Variants in ZNF311 observed in about 807,000 individuals in gnomAD.
The protein encoded by ZNF311 is zinc finger protein 311, also known as zinc finger protein zfp31.
ZNF311 carries 14 observed loss-of-function variants against 22.7 expected under a neutral mutation model. The ratio of observed to expected loss-of-function variants is 0.62; its 90% CI spans 0.41 to 0.96. The LOEUF is 0.96. ZNF311 is among the 40% of genes least tolerant of loss of function. ZNF311 has a pLI of 0.00. For synonymous variants in ZNF311, 250 were observed against 275.3 expected (o/e 0.91, Z 0.91); for missense variants, 731 against 799.0 (o/e 0.91, Z 1.03).
At chr6:28,999,818 A>C in intron 4 of ZNF311, 138 bp downstream of exon 4, 1 of 1,241,070 alleles carries the variant, frequency 8.1e-7, no homozygotes, top group Non-Finnish European at 1.1e-6. Context: ...CAAGTGGTTT[A>C]TCATGCAACA....
rs1290104043 is a variant in ZNF311 at position 29,000,063 on chromosome 6, T to C, written c.92-16A>G. On this transcript the variant is annotated splice_polypyrimidine_tract_variant and intron_variant, in intron 3 of 6. Coordinates refer to ENST00000377179, the MANE Select transcript of ZNF311 (RefSeq NM_001382360.1). ...GGTAATAGAGCTGAGGGAAGATAAG[T>C]AAGCCAAGAGTCAATATAGCACAGT... 1 of 1,608,792 alleles carries C rather than the reference T, an allele frequency of 6.2e-7. No homozygotes were observed. The highest frequency in any genetic ancestry group is 8.5e-7 in the Non-Finnish European group (1 of 1,177,272).
rs1358525859 is a variant in ZNF311 at position 28,995,945 on chromosome 6, G to A, written c.1057C>T (p.His353Tyr). The A allele has an allele frequency of 9.3e-6, 15 of 1,613,734 alleles. No individual in the cohort carries two copies. Among genetic ancestry groups the A allele is most frequent in the Non-Finnish European group, 1.3e-5 (15 of 1,180,036 alleles). Residue 353 changes from histidine to tyrosine, a missense_variant, in exon 7 of 7, where the codon CAC becomes TAC. His to Tyr is a moderately conservative substitution (Grantham distance 83, BLOSUM62 2). Transcript: ENST00000377179. The surrounding 1 kb of genome is among the most constrained non-coding windows in gnomAD (Gnocchi z 4.7). ...RNRLCMHQLI[H>Y]TGEKPYKCNC... ...CATTTGTAAGGCTTCTCCCCGGTGTGGATAAGCTGATGCATACAGAGACGG... is the reference window on the plus strand; with the variant it reads ...CATTTGTAAGGCTTCTCCCCGGTGTAGATAAGCTGATGCATACAGAGACGG...
chr6:28,999,469 T>C lies in ZNF311; in HGVS notation c.310+18A>G. On this transcript the variant is annotated intron_variant, in intron 5 of 6. Coordinates refer to ENST00000377179, the MANE Select transcript of ZNF311 (RefSeq NM_001382360.1). The stretch of plus-strand genomic sequence containing the variant: ...AAAAAAGAAGGTAGAAAGCATTAAG[T>C]GTAGGGAAGGTCCTTACCAAGTGAT... 5.0e-6 allele frequency: 8 copies of C among 1,600,124 alleles called. No homozygotes were observed. The highest frequency in any genetic ancestry group is 6.8e-6 in the Non-Finnish European group (8 of 1,175,474).
intron 3 of ZNF311, among the ~76,000 whole-genome samples, chr6:29,001,950 A>C (rs1260972569): frequency 6.6e-6 from 1 of 152,248 alleles, no homozygotes; most frequent in African/African-American, 2.4e-5. Context: ...CACATGTCTT[A>C]AATGTACCCT....
intron 6 of ZNF311, among the ~76,000 whole-genome samples, chr6:28,997,856 C>CA (rs1427766825): frequency 6.6e-6 from 1 of 152,110 alleles, no homozygotes; most frequent in Non-Finnish European, 1.5e-5. Context: ...GTATGTAAAG[C>CA]ACATGCCACA....
chr6:29,003,493 C>T lies in ZNF311; in HGVS notation c.91+20G>A. 6.2e-7 allele frequency: 1 copy of T among 1,612,554 alleles called. No homozygotes were observed. The highest frequency in any genetic ancestry group is 8.5e-7 in the Non-Finnish European group (1 of 1,179,540). ...TTCTCAGCTGCCGTGACTCCTGCCA[C>T]AATCTCCTGTGTATCTCACCGCTTT... On this transcript the variant is annotated intron_variant, in intron 3 of 6. Transcript: ENST00000377179.
intron 1 of ZNF311, among the ~76,000 whole-genome samples, 195 bp from the exon 2 acceptor site, chr6:29,004,409 G>A (rs933859294): frequency 6.7e-6 from 1 of 150,192 alleles, no homozygotes. Flanking sequence ...CTTCTAACTG[G>A]TCTCCTTTCT....
chr6:29,002,498 T>C (rs371925128), intron 3 of ZNF311, among the ~76,000 whole-genome samples: 16 of 152,306 alleles, frequency 1.1e-4, no homozygotes, highest in African/African-American at 2.9e-4. Flanking sequence ...AGGTAGCATA[T>C]ACTAAAAAGC....
At chr6:28,997,244 C>T (rs939920293) in intron 6 of ZNF311, among the ~76,000 whole-genome samples, 2 of 151,964 alleles carry the variant, frequency 1.3e-5, no homozygotes, top group East Asian at 1.9e-4. Context: ...CCATCTGGTC[C>T]GAGAAGAAGA....
At chr6:29,002,899 G>T (rs1200831128) in intron 3 of ZNF311, among the ~76,000 whole-genome samples, 1 of 152,082 alleles carries the variant, frequency 6.6e-6, no homozygotes, top group Non-Finnish European at 1.5e-5. Flanking sequence ...AGGATTACAG[G>T]CATAAGTCAC....
Position 28,994,949 on chromosome 6 carries a change from G to A in ZNF311, c.*52C>T, listed in dbSNP as rs1452269787. ...GGAATAACTAATATAAGAGACAGAAGGACCAGCCTAAGAGGTAGGAAAAAC... is the reference window on the plus strand; with the variant it reads ...GGAATAACTAATATAAGAGACAGAAAGACCAGCCTAAGAGGTAGGAAAAAC... On this transcript the variant is annotated 3_prime_UTR_variant, in exon 7 of 7. Transcript: ENST00000377179. The A allele has an allele frequency of 6.0e-6, 9 of 1,493,986 alleles. No homozygotes were observed. Among genetic ancestry groups the A allele is most frequent in the Middle Eastern group, 2.1e-4 (1 of 4,710 alleles). 92.5% of individuals were successfully genotyped at this position (1,493,986 alleles called of 1,614,324 possible).
chr6:28,996,703 G>A (rs1234213454), intron 6 of ZNF311, 117 bp from the exon 7 acceptor site: 2 of 1,144,986 alleles, frequency 1.7e-6, no homozygotes, highest in Non-Finnish European at 1.2e-6. Context: ...AATTACTAAC[G>A]TTGTGGCCAA....
chr6:28,995,277 T>C lies in ZNF311; in HGVS notation c.1725A>G (p.Arg575=). ...HHSSVLRQHK[R]IHTGEKPYTC... is the part of the protein sequence containing the mutation. ...TGTATGGCTTCTCACCAGTGTGGAT[T>C]CTTTTGTGCTGCCTCAGGACTGAAC... The change falls in exon 7 of 7, where the codon AGA becomes AGG. Residue 575 remains arginine, a synonymous_variant. Transcript: ENST00000377179. This position sits in a 1 kb window ranked among gnomAD's most constrained non-coding sequence, Gnocchi z 4.7. 1 of 1,614,028 alleles carries C rather than the reference T, an allele frequency of 6.2e-7. No individual in the cohort carries two copies. The highest frequency in any genetic ancestry group is 1.1e-5 in the South Asian group (1 of 91,072).
At chr6:28,996,942 A>C (rs1443128473) in intron 6 of ZNF311, among the ~76,000 whole-genome samples, 1 of 152,210 alleles carries the variant, frequency 6.6e-6, no homozygotes, top group Non-Finnish European at 1.5e-5. Context: ...AGAGTTACAG[A>C]GGAGGTGCTG....
intron 1 of ZNF311, 94 bp downstream of exon 1, chr6:29,004,914 T>C (rs1259745951): frequency 6.6e-6 from 1 of 152,174 alleles, no homozygotes; most frequent in Non-Finnish European, 1.5e-5. Flanking sequence ...CCTTCAAGTG[T>C]TTTCTTATAG....
At position 28,995,637 on chromosome 6, in the gene ZNF311, C is replaced by T. The variant is rs905436073; in HGVS notation, c.1365G>A (p.Lys455=). ...CPQCGKDFSI[K]AELTKHRRIH... ...TCCTTCTGTGTTTGGTGAGTTCTGC[C>T]TTGATGCTGAAGTCTTTTCCACACT... Residue 455 remains lysine, a synonymous_variant, in exon 7 of 7, where the codon AAG becomes AAA. Transcript: ENST00000377179. This position sits in a 1 kb window ranked among gnomAD's most constrained non-coding sequence, Gnocchi z 4.7. 4 of 1,613,222 alleles carry T rather than the reference C, an allele frequency of 2.5e-6. No homozygotes were observed. The African/African-American group carries it at 5.3e-5, about 22-fold the overall frequency.
In ZNF311 at chr6:28,996,350, CT is replaced by C. The variant is rs758521160; in HGVS notation, c.651del (p.Gly218GlufsTer11). On this transcript the variant is annotated frameshift_variant, in exon 7 of 7. Transcript: ENST00000377179. LOFTEE classifies it low-confidence loss of function (END_TRUNC). ...KEGSEEVTCK[K>X]GKNQKVLSKN... The stretch of plus-strand genomic sequence containing the variant: ...TTACTAAGCACTTTCTGGTTCTTTC[CT>C]TTTTTGCAGGTCACTTCCTCAGAGC... 3 of 1,612,228 alleles carry C rather than the reference CT, an allele frequency of 1.9e-6. No individual in the cohort carries two copies. The highest frequency in any genetic ancestry group is 1.6e-4 in the Middle Eastern group (1 of 6,082).
In ZNF311 at chr6:28,995,782, C is replaced by G; in HGVS notation, c.1220G>C (p.Arg407Thr). ...ATAAGGTCGTTCCCCAGTGTGGATTCTTATGTGTTTGGTGAGGTCTGAACT... is the reference window on the plus strand; with the variant it reads ...ATAAGGTCGTTCCCCAGTGTGGATTGTTATGTGTTTGGTGAGGTCTGAACT... Reference protein sequence around the residue: ...SGSSDLTKHIRIHTGERPYEC... With the variant: ...SGSSDLTKHITIHTGERPYEC... Residue 407 changes from arginine (R) to threonine (T), a missense_variant, in exon 7 of 7, where the codon AGA (arginine) becomes ACA (threonine). Transcript: ENST00000377179. This position sits in a 1 kb window ranked among gnomAD's most constrained non-coding sequence, Gnocchi z 4.7. 6.2e-7 allele frequency: 1 copy of G among 1,613,966 alleles called. No individual in the cohort carries two copies. The highest frequency in any genetic ancestry group is 8.5e-7 in the Non-Finnish European group (1 of 1,180,006).
chr6:29,003,480 G>T, intron 3 of ZNF311, 33 bp downstream of exon 3: 1 of 1,607,166 alleles, frequency 6.2e-7, no homozygotes, highest in Non-Finnish European at 8.5e-7. Context: ...CTCAGCTGCC[G>T]TGACTCCTGC....
Sources: gnomAD v4.1 joint callset for allele counts (sites outside exome capture counted in the v4.1 genomes callset) on GRCh38, gnomAD v4.1.1 for gene constraint, Gnocchi (gnomAD v3.1) non-coding constraint, MANE v1.5 for transcripts, NCBI Gene and HGNC (gene_info 2026-07-23, HGNC 2026-07-21) for gene names.